HASPIN: variants seen among roughly 807,000 people sequenced by gnomAD.
HASPIN encodes the protein histone H3 associated protein kinase, also known as serine/threonine-protein kinase haspin.
Under a neutral mutation model 28.8 loss-of-function variants are expected in HASPIN, and 24 were observed. The ratio of observed to expected loss-of-function variants is 0.83; its 90% confidence interval spans 0.60 to 1.17. HASPIN has a LOEUF of 1.17. Ranked by LOEUF, HASPIN falls within the 50% of genes most tolerant of loss-of-function variation. The pLI is 0.00. For missense variants in HASPIN, 1,016 were observed against 1,018.5 expected (o/e 1.00, Z 0.03); for synonymous variants, 440 against 413.1 (o/e 1.07, Z -0.79).
chr17:3,724,338 C>T lies in HASPIN; in HGVS notation c.403C>T (p.Leu135Phe). The change falls in exon 1 of 1, where the codon CTT becomes TTT. Residue 135 changes from leucine to phenylalanine, a missense_variant. Physicochemically the swap from Leu to Phe is conservative, Grantham distance 22. This residue lies in a region of HASPIN where 881 missense variants were observed against 845.5 expected (regional missense o/e 1.04). Coordinates refer to ENST00000325418, the MANE Select transcript of HASPIN (RefSeq NM_031965.2). ...CAGCACACCCTGCGGCCCGCTCCGA[C>T]TTCCGCCCTTCCCCAGCCGCGACTC... ...KCSTPCGPLR[L>F]PPFPSRDSGR... is the part of the protein sequence containing the mutation. The T allele has an allele frequency of 1.3e-6, 2 of 1,592,610 alleles. No individual in the cohort carries two copies. The highest frequency in any genetic ancestry group is 1.7e-6 in the Non-Finnish European group (2 of 1,174,430).
chr17:3,725,995 A>G lies in HASPIN; in HGVS notation c.2060A>G (p.Asp687Gly). The stretch of plus-strand genomic sequence containing the variant: ...TGTGGGTTGCAAGTGAGCATCATTG[A>G]CTACACCCTGTCGCGCTTGGAACGG... ...PSCGLQVSII[D>G]YTLSRLERDG... is the part of the protein sequence containing the mutation. The change falls in exon 1 of 1, where the codon GAC becomes GGC. Residue 687 changes from aspartate to glycine, a missense_variant. Physicochemically the swap from Asp to Gly is moderately conservative, Grantham distance 94. Transcript: ENST00000325418. 1 of 1,613,880 alleles carries G rather than the reference A, an allele frequency of 6.2e-7. No individual in the cohort carries two copies. The highest frequency in any genetic ancestry group is 8.5e-7 in the Non-Finnish European group (1 of 1,180,002).
chr17:3,724,836 C>T lies in HASPIN; in HGVS notation c.901C>T (p.Gln301Ter), dbSNP rs781378722. The T allele has an allele frequency of 6.2e-7, 1 of 1,614,086 alleles. No homozygotes were observed. The highest frequency in any genetic ancestry group is 8.5e-7 in the Non-Finnish European group (1 of 1,180,026). The change falls in exon 1 of 1, where the codon CAA (glutamine) becomes TAA (stop). Residue 301 changes from glutamine to a stop codon, truncating the protein, a stop_gained. Transcript: ENST00000325418. LOFTEE classifies it high-confidence loss of function. ...KRRATGQDSC[Q>*]ERGLQEAVRR... ...GAGGGCCACAGGCCAGGACTCTTGT[C>T]AAGAGAGAGGGCTTCAAGAGGCCGT...
chr17:3,725,621 G>A lies in HASPIN; in HGVS notation c.1686G>A (p.Val562=). 6.2e-7 allele frequency: 1 copy of A among 1,613,270 alleles called. No individual in the cohort carries two copies. The highest frequency in any genetic ancestry group is 8.5e-7 in the Non-Finnish European group (1 of 1,179,306). Residue 562 remains valine (V), a synonymous_variant, in exon 1 of 1, where the codon GTG becomes GTA. Coordinates refer to ENST00000325418, the MANE Select transcript of HASPIN (RefSeq NM_031965.2). ...RTEGFIGLNS[V]HCVQGSYPPL... The stretch of plus-strand genomic sequence containing the variant: ...AAGGCTTTATCGGGCTGAACTCAGT[G>A]CACTGTGTCCAGGGATCTTACCCTC...
In HASPIN at chr17:3,724,694, C is replaced by T. The variant is rs755108075; in HGVS notation, c.759C>T (p.Thr253=). 11 of 1,614,180 alleles carry T rather than the reference C, an allele frequency of 6.8e-6. No homozygotes were observed. The East Asian group carries it at 1.8e-4, about 26-fold the overall frequency. ...SVLFGLMNSG[T]PEDSEFRADG... is the part of the protein sequence containing the mutation. ...TCTTTGGCCTTATGAACTCAGGAAC[C>T]CCTGAGGATTCTGAGTTTCGGGCAG... Residue 253 remains threonine (T), a synonymous_variant, in exon 1 of 1, where the codon ACC becomes ACT. Coordinates refer to ENST00000325418, the MANE Select transcript of HASPIN (RefSeq NM_031965.2).
At position 3,724,503 on chromosome 17, in the gene HASPIN, G is replaced by C. The variant is rs78982870; in HGVS notation, c.568G>C (p.Gly190Arg). 6.2e-7 allele frequency: 1 copy of C among 1,613,912 alleles called. No homozygotes were observed. The highest frequency in any genetic ancestry group is 8.5e-7 in the Non-Finnish European group (1 of 1,180,016). The stretch of plus-strand genomic sequence containing the variant: ...GCCAAGGGACAGTGTCATCTCGATC[G>C]GCACCTCCGCCTGTCTGGTTGCAGC... ...PTPRDSVISI[G>R]TSACLVAASA... is the part of the protein sequence containing the mutation. The change falls in exon 1 of 1, where the codon GGC becomes CGC. Residue 190 changes from glycine to arginine, a missense_variant. Physicochemically the swap from Gly to Arg is moderately radical, Grantham distance 125. This residue lies in a region of HASPIN where 881 missense variants were observed against 845.5 expected (regional missense o/e 1.04). Coordinates refer to ENST00000325418, the MANE Select transcript of HASPIN (RefSeq NM_031965.2).
Position 3,725,886 on chromosome 17 carries a change from C to G in HASPIN, c.1951C>G (p.His651Asp), listed in dbSNP as rs138356998. ...ACTGCGCTTTGAGCACCGAGACTTA[C>G]ACTGGGGGAACGTGCTCTTAAAGAA... ...ASLRFEHRDL[H>D]WGNVLLKKTS... The change falls in exon 1 of 1, where the codon CAC becomes GAC. Residue 651 changes from histidine to aspartate, a missense_variant. This residue lies in a region of HASPIN where 881 missense variants were observed against 845.5 expected (regional missense o/e 1.04). Transcript: ENST00000325418. The G allele has an allele frequency of 1.9e-6, 3 of 1,612,420 alleles. No individual in the cohort carries two copies. Among genetic ancestry groups the G allele is most frequent in the African/African-American group, 1.3e-5 (1 of 74,892 alleles).
In HASPIN at chr17:3,724,933, G is replaced by A; in HGVS notation, c.998G>A (p.Arg333Lys). Residue 333 changes from arginine to lysine, a missense_variant, in exon 1 of 1, where the codon AGA (arginine) becomes AAA (lysine). By Grantham distance (26) the Arg-to-Lys change is conservative. Transcript: ENST00000325418. ...CCAAGGGGAATAGACAGGCTGGAGAGAACTAGATCAAGCCGGAAGAGCAAA... is the reference window on the plus strand; with the variant it reads ...CCAAGGGGAATAGACAGGCTGGAGAAAACTAGATCAAGCCGGAAGAGCAAA... ...IVPRGIDRLE[R>K]TRSSRKSKHQ... The A allele has an allele frequency of 6.2e-7, 1 of 1,613,772 alleles. No homozygotes were observed. The highest frequency in any genetic ancestry group is 8.5e-7 in the Non-Finnish European group (1 of 1,179,854).
rs1481919957 is a variant in HASPIN at position 3,726,009 on chromosome 17, C to T, written c.2074C>T (p.Arg692Cys). ...QVSIIDYTLS[R>C]LERDGIVVFC... The stretch of plus-strand genomic sequence containing the variant: ...GAGCATCATTGACTACACCCTGTCG[C>T]GCTTGGAACGGGATGGGATTGTGGT... The change falls in exon 1 of 1, where the codon CGC becomes TGC. Residue 692 changes from arginine (R) to cysteine (C), a missense_variant. Around this residue, in one of 3 missense-constraint regions of HASPIN, gnomAD observed 129 missense variants for 156.2 expected, o/e 0.83. Transcript: ENST00000325418. 12 of 1,613,870 alleles carry T rather than the reference C, an allele frequency of 7.4e-6. No individual in the cohort carries two copies. Among genetic ancestry groups the T allele is most frequent in the Non-Finnish European group, 9.3e-6 (11 of 1,180,046 alleles).
In HASPIN at chr17:3,724,465, C is replaced by T. The variant is rs555488588; in HGVS notation, c.530C>T (p.Pro177Leu). 4.0e-5 allele frequency: 65 copies of T among 1,613,872 alleles called. 1 individual carries two copies. The South Asian group carries it at 6.4e-4, about 16-fold the overall frequency. ...TTCAGCTCTCTGGCCTCGCCCTGCC[C>T]CGGGTCCCCAACGCCAAGGGACAGT... ...SLFSSLASPC[P>L]GSPTPRDSVI... Residue 177 changes from proline to leucine, a missense_variant, in exon 1 of 1, where the codon CCC becomes CTC. Transcript: ENST00000325418.
Position 3,725,373 on chromosome 17 carries a change from C to A in HASPIN, c.1438C>A (p.Pro480Thr). The A allele has an allele frequency of 6.2e-7, 1 of 1,614,212 alleles. No individual in the cohort carries two copies. The change falls in exon 1 of 1, where the codon CCC (proline) becomes ACC (threonine). Residue 480 changes from proline (P) to threonine (T), a missense_variant. Pro to Thr is a conservative substitution (Grantham distance 38). This residue lies in a region of HASPIN where 881 missense variants were observed against 845.5 expected (regional missense o/e 1.04). Coordinates refer to ENST00000325418, the MANE Select transcript of HASPIN (RefSeq NM_031965.2). The stretch of plus-strand genomic sequence containing the variant: ...TCCTGTCCCCTTTAGCCATTGCCTT[C>A]CCACAGAAAAACTGCAACGCTGTGA... ...KGPVPFSHCL[P>T]TEKLQRCEKI...
rs57655393 is a variant in HASPIN at position 3,725,392 on chromosome 17, G to A, written c.1457G>A (p.Arg486His). ...SHCLPTEKLQ[R>H]CEKIGEGVFG... Reference sequence around the variant, plus strand: ...TGCCTTCCCACAGAAAAACTGCAACGCTGTGAGAAGATTGGGGAAGGGGTG... The same window carrying A: ...TGCCTTCCCACAGAAAAACTGCAACACTGTGAGAAGATTGGGGAAGGGGTG... Residue 486 changes from arginine (R) to histidine (H), a missense_variant, in exon 1 of 1, where the codon CGC (arginine) becomes CAC (histidine). Transcript: ENST00000325418. 4.3e-6 allele frequency: 7 copies of A among 1,614,076 alleles called. No individual in the cohort carries two copies. The highest frequency in any genetic ancestry group is 3.3e-5 in the Admixed American group (2 of 60,012).
At position 3,723,940 on chromosome 17, in the gene HASPIN, C is replaced by T. The variant is rs749355452; in HGVS notation, c.5C>T (p.Ala2Val). 7.7e-6 allele frequency: 12 copies of T among 1,550,286 alleles called. No homozygotes were observed. Among genetic ancestry groups the T allele is most frequent in the South Asian group, 4.8e-5 (4 of 83,888 alleles). Residue 2 changes from alanine to valine, a missense_variant, in exon 1 of 1, where the codon GCG becomes GTG. Ala to Val is a moderately conservative substitution (Grantham distance 64). Around this residue, in one of 3 missense-constraint regions of HASPIN, gnomAD observed 881 missense variants for 845.5 expected, o/e 1.04. Coordinates refer to ENST00000325418, the MANE Select transcript of HASPIN (RefSeq NM_031965.2). ...ACCTCTTGGCGGGTGCCGGCCATGG[C>T]GGCTTCGCTCCCGGGACCTGGGAGC... is the stretch of plus-strand genomic sequence containing the variant. Reference protein sequence around the residue: MAASLPGPGSRL... With the variant: MVASLPGPGSRL...
In HASPIN at chr17:3,726,423, ACT is replaced by A. The variant is rs1164198793; in HGVS notation, c.*93_*94del. ...ACCTCCATCCCCACAGGAGGGTGGA[ACT>A]CCCATTCTCACAGGTTTCCAGTCAG... is the stretch of plus-strand genomic sequence containing the variant. On this transcript the variant is annotated 3_prime_UTR_variant, in exon 1 of 1. Transcript: ENST00000325418. The A allele has an allele frequency of 1.8e-5, 15 of 820,896 alleles. No homozygotes were observed. Among genetic ancestry groups the A allele is most frequent in the Non-Finnish European group, 2.9e-5 (15 of 512,208 alleles). The allele number at this position is 820,896 out of a possible 1,614,324, so 50.9% of individuals were successfully genotyped here.
In HASPIN at chr17:3,725,099, C is replaced by T; in HGVS notation, c.1164C>T (p.Phe388=). ...VCFWTKTRAS[F]SFHKKKIVTD... ...TTTGGACCAAAACCAGGGCTTCCTT[C>T]AGTTTCCACAAGAAGAAAATTGTGA... Residue 388 remains phenylalanine (F), a synonymous_variant, in exon 1 of 1, where the codon TTC becomes TTT. Transcript: ENST00000325418. 1 of 1,614,218 alleles carries T rather than the reference C, an allele frequency of 6.2e-7. No individual in the cohort carries two copies. Among genetic ancestry groups the T allele is most frequent in the South Asian group, 1.1e-5 (1 of 91,082 alleles).
chr17:3,724,836 CAA>C lies in HASPIN; in HGVS notation c.902_903del (p.Gln301ArgfsTer34), dbSNP rs2051167912. 1.2e-6 allele frequency: 2 copies of C among 1,614,086 alleles called. No individual in the cohort carries two copies. The highest frequency in any genetic ancestry group is 1.7e-6 in the Non-Finnish European group (2 of 1,180,026). ...KRRATGQDSC[Q>X]ERGLQEAVRR... ...GAGGGCCACAGGCCAGGACTCTTGT[CAA>C]GAGAGAGGGCTTCAAGAGGCCGTCC... is the stretch of plus-strand genomic sequence containing the variant. On this transcript the variant is annotated frameshift_variant, in exon 1 of 1. Transcript: ENST00000325418. LOFTEE classifies it high-confidence loss of function.
At position 3,726,057 on chromosome 17, in the gene HASPIN, G is replaced by A. The variant is rs764362868; in HGVS notation, c.2122G>A (p.Glu708Lys). 6.2e-7 allele frequency: 1 copy of A among 1,614,182 alleles called. No individual in the cohort carries two copies. Among genetic ancestry groups the A allele is most frequent in the Non-Finnish European group, 8.5e-7 (1 of 1,180,036 alleles). ...GGTTTTCTGTGACGTTTCCATGGAT[G>A]AGGACCTGTTTACCGGTGACGGTGA... ...IVVFCDVSMDEDLFTGDGDYQ... is the reference protein window; with the variant it reads ...IVVFCDVSMDKDLFTGDGDYQ... Residue 708 changes from glutamate (E) to lysine (K), a missense_variant, in exon 1 of 1, where the codon GAG (glutamate) becomes AAG (lysine). Glu to Lys is a moderately conservative substitution (Grantham distance 56). Around this residue, in one of 3 missense-constraint regions of HASPIN, gnomAD observed 129 missense variants for 156.2 expected, o/e 0.83. Transcript: ENST00000325418.
chr17:3,726,411 C>T lies in HASPIN; in HGVS notation c.*79C>T. ...GGTGCTGTTTCAACCTCCATCCCCA[C>T]AGGAGGGTGGAACTCCCATTCTCAC... On this transcript the variant is annotated 3_prime_UTR_variant, in exon 1 of 1. Coordinates refer to ENST00000325418, the MANE Select transcript of HASPIN (RefSeq NM_031965.2). The T allele has an allele frequency of 1.1e-6, 1 of 941,442 alleles. No homozygotes were observed. Among genetic ancestry groups the T allele is most frequent in the Non-Finnish European group, 1.6e-6 (1 of 614,402 alleles). 58.3% of individuals were successfully genotyped at this position (941,442 alleles called of 1,614,324 possible).
chr17:3,725,485 G>T lies in HASPIN; in HGVS notation c.1550G>T (p.Gly517Val). The change falls in exon 1 of 1, where the codon GGA (glycine) becomes GTA (valine). Residue 517 changes from glycine to valine, a missense_variant. Coordinates refer to ENST00000325418, the MANE Select transcript of HASPIN (RefSeq NM_031965.2). ...PVAIKIIAIEGPDLVNGSHQK... is the reference protein window; with the variant it reads ...PVAIKIIAIEVPDLVNGSHQK... ...GCCATAAAAATCATTGCTATTGAAG[G>T]ACCAGATTTAGTCAATGGATCCCAT... The T allele has an allele frequency of 6.2e-7, 1 of 1,614,176 alleles. No homozygotes were observed. The highest frequency in any genetic ancestry group is 8.5e-7 in the Non-Finnish European group (1 of 1,180,042).
rs753947245 is a variant in HASPIN at position 3,724,924 on chromosome 17, G to C, written c.989G>C (p.Arg330Thr). ...KGRIVPRGID[R>T]LERTRSSRKS... The stretch of plus-strand genomic sequence containing the variant: ...CGCATTGTGCCAAGGGGAATAGACA[G>C]GCTGGAGAGAACTAGATCAAGCCGG... The change falls in exon 1 of 1, where the codon AGG becomes ACG. Residue 330 changes from arginine (R) to threonine (T), a missense_variant. Transcript: ENST00000325418. 5 of 1,613,632 alleles carry C rather than the reference G, an allele frequency of 3.1e-6. No homozygotes were observed. The African/African-American group carries it at 4.0e-5, about 13-fold the overall frequency.
Sources: allele counts gnomAD v4.1 joint callset, GRCh38; gene constraint gnomAD v4.1.1; regional missense constraint gnomAD v4.1.1; transcripts MANE v1.5; gene names NCBI Gene and HGNC (gene_info 2026-07-23, HGNC 2026-07-21).